SYNM: variants seen among roughly 807,000 people sequenced by gnomAD.
The protein encoded by SYNM is synemin.
SYNM carries 95 observed loss-of-function variants against 104.0 expected under a neutral mutation model. The observed-to-expected ratio is 0.91, with a 90% CI of 0.77 to 1.08. SYNM has a LOEUF of 1.08. SYNM is among the 50% of genes least tolerant of loss of function. The pLI, the probability that SYNM is intolerant of heterozygous loss-of-function variation, is 0.00. For missense variants in SYNM, 2,150 were observed against 2,052.2 expected (o/e 1.05, Z -0.92); for synonymous variants, 918 against 869.0 (o/e 1.06, Z -0.99).
rs2067510571 is a variant in SYNM, at chr15:99,131,714, G to A, written c.3354G>A (p.Glu1118=). The A allele has an allele frequency of 6.2e-7, 1 of 1,613,710 alleles. No homozygotes were observed. Among genetic ancestry groups the A allele is most frequent in the South Asian group, 1.1e-5 (1 of 91,068 alleles). ...GCTTTGCCCAGTCACAGGTGCTGGAGGATGTGAGCCAGGCTGCAAGGCACA... is the reference window on the plus strand; with the variant it reads ...GCTTTGCCCAGTCACAGGTGCTGGAAGATGTGAGCCAGGCTGCAAGGCACA... ...PTGFAQSQVL[E]DVSQAARHIK... The change falls in exon 4 of 4, where the codon GAG becomes GAA. Residue 1118 remains glutamate, a synonymous_variant. Coordinates refer to ENST00000336292, the MANE Select transcript of SYNM (RefSeq NM_145728.3). This position sits in a 1 kb window ranked among gnomAD's most constrained non-coding sequence, Gnocchi z 4.3.
Position 99,132,984 on chromosome 15 carries a change from AT to A in SYNM, c.4627del (p.Ser1543GlnfsTer11), listed in dbSNP as rs2067529035. On this transcript the variant is annotated frameshift_variant, in exon 4 of 4. Coordinates refer to ENST00000336292, the MANE Select transcript of SYNM (RefSeq NM_145728.3). LOFTEE classifies it high-confidence loss of function. Reference protein sequence around the residue: ...LQRMVDQRSVISDEKKVALLY... With the variant: ...LQRMVDQRSVXSDEKKVALLY... ...GAGAATGGTAGACCAAAGGTCGGTG[AT>A]TTCAGATGAAAAGAAAGTTGCCCTC... is the stretch of plus-strand genomic sequence containing the variant. The A allele has an allele frequency of 1.2e-6, 2 of 1,613,880 alleles. No homozygotes were observed. Among genetic ancestry groups the A allele is most frequent in the Non-Finnish European group, 1.7e-6 (2 of 1,179,878 alleles).
Position 99,129,959 on chromosome 15 carries a change from G to A in SYNM, c.1599G>A (p.Glu533=). 1 of 1,611,910 alleles carries A rather than the reference G, an allele frequency of 6.2e-7. No homozygotes were observed. The highest frequency in any genetic ancestry group is 8.5e-7 in the Non-Finnish European group (1 of 1,178,876). ...TCGATTCTAAAGAGAAGGCTTCCGA[G>A]GAGAGAAACCTAAGATGGGAAGAAT... ...KMFDSKEKAS[E]ERNLRWEELT... is the part of the protein sequence containing the mutation. Residue 533 remains glutamate (E), a synonymous_variant, in exon 4 of 4, where the codon GAG becomes GAA. Coordinates refer to ENST00000336292, the MANE Select transcript of SYNM (RefSeq NM_145728.3).
Position 99,105,879 on chromosome 15 carries a change from C to CG in SYNM, c.681dup (p.Arg228AlafsTer47). On this transcript the variant is annotated frameshift_variant, in exon 1 of 4. Transcript: ENST00000336292. LOFTEE classifies it high-confidence loss of function. Reference sequence around the variant, plus strand: ...AGCAGACTCCAGGCGGAGGAAGAGACGCGGCTGTGCGCGCAGGAGGCAGAG... The same window carrying CG: ...AGCAGACTCCAGGCGGAGGAAGAGACGGCGGCTGTGCGCGCAGGAGGCAGAG... The CG allele has an allele frequency of 6.5e-7, 1 of 1,538,746 alleles. No homozygotes were observed. Among genetic ancestry groups the CG allele is most frequent in the Non-Finnish European group, 8.7e-7 (1 of 1,145,708 alleles).
chr15:99,127,642 C>T (rs570360433), intron 3 of SYNM, among the ~76,000 whole-genome samples: 1 of 152,188 alleles, frequency 6.6e-6, no homozygotes, highest in African/African-American at 2.4e-5. Context: ...TGGTCTTAGA[C>T]AACATGCAGC....
intron 1 of SYNM, among the ~76,000 whole-genome samples, chr15:99,108,779 C>T (rs1157488356): frequency 6.6e-6 from 1 of 152,108 alleles, no homozygotes; most frequent in East Asian, 1.9e-4. Context: ...AGCAACTGAC[C>T]GCTGGGCGTC....
At chr15:99,118,946 G>T (rs2067374909) in intron 2 of SYNM, among the ~76,000 whole-genome samples, 1 of 152,204 alleles carries the variant, frequency 6.6e-6, no homozygotes, top group Admixed American at 6.5e-5. Flanking sequence ...TGGATACTGA[G>T]AAGAGAGGAG....
Position 99,131,789 on chromosome 15 carries a change from A to AG in SYNM, c.3431dup (p.Pro1145ThrfsTer13), listed in dbSNP as rs1555485971. The stretch of plus-strand genomic sequence containing the variant: ...GGAGGACTGAGCGAATGTCATATGA[A>AG]GGACCCACTGCAGAAGTGGTGGAGG... On this transcript the variant is annotated frameshift_variant, in exon 4 of 4. Coordinates refer to ENST00000336292, the MANE Select transcript of SYNM (RefSeq NM_145728.3). LOFTEE classifies it high-confidence loss of function. This position sits in a 1 kb window ranked among gnomAD's most constrained non-coding sequence, Gnocchi z 4.3. 1.9e-6 allele frequency: 3 copies of AG among 1,613,882 alleles called. No individual in the cohort carries two copies. Among genetic ancestry groups the AG allele is most frequent in the Non-Finnish European group, 2.5e-6 (3 of 1,179,910 alleles).
rs781866526 is a variant in SYNM, at chr15:99,113,661, A to G, written c.881A>G (p.Tyr294Cys). The change falls in exon 2 of 4, where the codon TAT becomes TGT. Residue 294 changes from tyrosine to cysteine, a missense_variant. Coordinates refer to ENST00000336292, the MANE Select transcript of SYNM (RefSeq NM_145728.3). ...TLAMADWLRD[Y>C]QDLLQVKTGL... ...GCCATGGCTGACTGGCTGCGGGACT[A>G]TCAGGACCTCCTGCAGGTGAAGACC... The G allele has an allele frequency of 1.2e-5, 20 of 1,613,554 alleles. No individual in the cohort carries two copies. The highest frequency in any genetic ancestry group is 1.6e-5 in the Non-Finnish European group (19 of 1,179,692).
intron 2 of SYNM, among the ~76,000 whole-genome samples, chr15:99,124,207 T>C (rs2067427250): frequency 6.6e-6 from 1 of 152,248 alleles, no homozygotes; most frequent in Non-Finnish European, 1.5e-5. Context: ...GAGAACATGC[T>C]ACCCATTTCT....
downstream of SYNM, chr15:99,138,239 G>A: frequency 1.5e-6 from 2 of 1,298,946 alleles, no homozygotes; most frequent in East Asian, 2.4e-5. Context: ...AGAAGACTTG[G>A]TAGGGGCTAT....
In SYNM at chr15:99,105,792, C is replaced by T. The variant is rs1179024906; in HGVS notation, c.593C>T (p.Thr198Met). 3.0e-5 allele frequency: 46 copies of T among 1,540,520 alleles called. No individual in the cohort carries two copies. Among genetic ancestry groups the T allele is most frequent in the Admixed American group, 7.9e-5 (4 of 50,688 alleles). The change falls in exon 1 of 4, where the codon ACG (threonine) becomes ATG (methionine). Residue 198 changes from threonine to methionine, a missense_variant. Physicochemically the swap from Thr to Met is moderately conservative, Grantham distance 81. Coordinates refer to ENST00000336292, the MANE Select transcript of SYNM (RefSeq NM_145728.3). ...ALLVAESWRE[T>M]VQLYEDEVRE... is the part of the protein sequence containing the mutation. ...CTGGTGGCCGAGTCGTGGCGGGAGA[C>T]GGTGCAGCTGTACGAGGACGAGGTG...
downstream of SYNM, chr15:99,139,302 G>A (rs565428092): frequency 6.2e-7 from 1 of 1,609,854 alleles, no homozygotes; most frequent in South Asian, 1.1e-5. Context: ...GAAAGTGTGA[G>A]GGACGCCAAC....
At chr15:99,119,366 C>T (rs969356422) in intron 2 of SYNM, among the ~76,000 whole-genome samples, 7 of 152,334 alleles carry the variant, frequency 4.6e-5, no homozygotes, top group South Asian at 2.1e-4. Context: ...CATACTGGAC[C>T]GAAGTTGGCC....
intron 1 of SYNM, among the ~76,000 whole-genome samples, chr15:99,106,945 T>G (rs1159008450): frequency 6.6e-6 from 1 of 152,270 alleles, no homozygotes; most frequent in Non-Finnish European, 1.5e-5. Flanking sequence ...GATTTGAGAC[T>G]GACTTTTAAA....
At chr15:99,125,816 C>G (rs2067442154) in intron 2 of SYNM, among the ~76,000 whole-genome samples, 1 of 152,176 alleles carries the variant, frequency 6.6e-6, no homozygotes, top group Non-Finnish European at 1.5e-5. Flanking sequence ...AACTGTTGCA[C>G]CCAGAGCTGC....
At position 99,131,595 on chromosome 15, in the gene SYNM, G is replaced by A. The variant is rs549845660; in HGVS notation, c.3235G>A (p.Glu1079Lys). The A allele has an allele frequency of 4.3e-5, 69 of 1,610,120 alleles. No homozygotes were observed. The highest frequency in any genetic ancestry group is 1.6e-4 in the Middle Eastern group (1 of 6,062). Residue 1079 changes from glutamate to lysine, a missense_variant, in exon 4 of 4, where the codon GAG (glutamate) becomes AAG (lysine). By Grantham distance (56) the Glu-to-Lys change is moderately conservative. Transcript: ENST00000336292. The surrounding 1 kb of genome is among the most constrained non-coding windows in gnomAD (Gnocchi z 4.3). Reference protein sequence around the residue: ...ATRELYIPSGESEVAGGASHS... With the variant: ...ATRELYIPSGKSEVAGGASHS... ...CCGGGAGCTGTACATCCCTTCAGGCGAGAGCGAGGTTGCTGGTGGGGCCTC... is the reference window on the plus strand; with the variant it reads ...CCGGGAGCTGTACATCCCTTCAGGCAAGAGCGAGGTTGCTGGTGGGGCCTC...
rs781976783 is a variant in SYNM, at chr15:99,132,660, G to T, written c.4300G>T (p.Asp1434Tyr). The T allele has an allele frequency of 4.6e-5, 74 of 1,613,922 alleles. No homozygotes were observed. Among genetic ancestry groups the T allele is most frequent in the Non-Finnish European group, 5.8e-5 (68 of 1,179,914 alleles). The change falls in exon 4 of 4, where the codon GAC (aspartate) becomes TAC (tyrosine). Residue 1434 changes from aspartate (D) to tyrosine (Y), a missense_variant. Asp to Tyr is a radical substitution (Grantham distance 160, BLOSUM62 -3). Transcript: ENST00000336292. The part of the protein sequence containing the change: ...SRTFVLAGSA[D>Y]SPELGKLADS... ...AACATTTGTGCTTGCTGGTTCAGCG[G>T]ACTCCCCTGAGCTAGGCAAGTTAGC...
intron 1 of SYNM, among the ~76,000 whole-genome samples, chr15:99,107,692 C>A (rs1555482957): frequency 6.6e-6 from 1 of 152,164 alleles, no homozygotes; most frequent in Non-Finnish European, 1.5e-5. Context: ...AAGCAGAGTT[C>A]CCCTGACTGG....
chr15:99,121,278 G>A (rs1352525320), intron 2 of SYNM, among the ~76,000 whole-genome samples: 1 of 152,046 alleles, frequency 6.6e-6, no homozygotes, highest in Admixed American at 6.5e-5. Context: ...ACTGTGGAGG[G>A]GGTAGGCAGT....
Sources: allele counts gnomAD v4.1 joint callset (sites outside exome capture counted in the v4.1 genomes callset), GRCh38; gene constraint gnomAD v4.1.1; non-coding constraint Gnocchi (gnomAD v3.1); transcripts MANE v1.5; gene names NCBI Gene and HGNC (gene_info 2026-07-23, HGNC 2026-07-21).